Variants in UNC13B observed in about 807,000 individuals in gnomAD.
UNC13B encodes unc-13 homolog B.
UNC13B carries 144 observed loss-of-function variants against 211.0 expected under a neutral mutation model. The ratio of observed to expected loss-of-function variants is 0.68; its 90% CI spans 0.60 to 0.78. The LOEUF (loss-of-function observed/expected upper bound fraction) is 0.78. UNC13B is among the 30% of genes least tolerant of loss of function. The pLI is 0.00. For synonymous variants in UNC13B, 709 were observed against 725.8 expected, an observed-to-expected ratio of 0.98 and a Z score of 0.37; for missense variants, 1,777 against 2,002.0, an observed-to-expected ratio of 0.89 and a Z score of 2.14.
At chr9:35,226,473 C>T (rs1049893631) in intron 1 of UNC13B, among the ~76,000 whole-genome samples, 13 of 152,234 alleles carry the variant, frequency 8.5e-5, no homozygotes, top group Admixed American at 4.6e-4. Context: ...AAGGTGAAGT[C>T]CCACACTAGG....
At chr9:35,388,133 C>T (rs577467452) in intron 24 of UNC13B, among the ~76,000 whole-genome samples, 2 of 151,986 alleles carry the variant, frequency 1.3e-5, no homozygotes, top group African/African-American at 2.4e-5. Flanking sequence ...GCAGGCCGGG[C>T]GCAATGGCTC....
intron 1 of UNC13B, among the ~76,000 whole-genome samples, chr9:35,163,855 G>T (rs1441436769): frequency 6.6e-6 from 1 of 151,910 alleles, no homozygotes; most frequent in Non-Finnish European, 1.5e-5. Context: ...TTTTGAATCT[G>T]GAGAAACGAG....
chr9:35,162,506 T>TAGC (rs1451255943), intron 1 of UNC13B, among the ~76,000 whole-genome samples: 1 of 152,234 alleles, frequency 6.6e-6, no homozygotes, highest in African/African-American at 2.4e-5. Flanking sequence ...AAGGGACGAT[T>TAGC]AGCTCTCCAT....
intron 8 of UNC13B, among the ~76,000 whole-genome samples, chr9:35,297,379 C>T (rs1036364472): frequency 6.6e-6 from 1 of 151,948 alleles, no homozygotes; most frequent in Non-Finnish European, 1.5e-5. Context: ...GCCACCGTGC[C>T]TGGCCTAAGA....
rs2083242045 is a variant in UNC13B at position 35,303,557 on chromosome 9, C to G, written c.4153C>G (p.Leu1385Val). The change falls in exon 9 of 40, where the codon CTA becomes GTA. Residue 1385 changes from leucine (L) to valine (V), a missense_variant. By Grantham distance (32) the Leu-to-Val change is conservative. Coordinates refer to ENST00000635942, the MANE Select transcript of UNC13B (RefSeq NM_001371189.2). ...TTATATGTTAAATCAAAATAGATTT[C>G]TATCAGCCGATGCTTGCTTGTGGCT... is the stretch of plus-strand genomic sequence containing the variant. ...VYYMLNQNRF[L>V]SADACLWLDS... 1 of 398,736 alleles carries G rather than the reference C, an allele frequency of 2.5e-6. No homozygotes were observed. The highest frequency in any genetic ancestry group is 4.4e-6 in the Non-Finnish European group (1 of 225,844). 24.7% of individuals were successfully genotyped at this position (398,736 alleles called of 1,614,324 possible).
intron 1 of UNC13B, among the ~76,000 whole-genome samples, chr9:35,220,682 T>G (rs1360047655): frequency 6.6e-6 from 1 of 152,200 alleles, no homozygotes; most frequent in East Asian, 1.9e-4. Flanking sequence ...GATGAACACT[T>G]AAGTTGCTTC....
intron 7 of UNC13B, among the ~76,000 whole-genome samples, chr9:35,293,808 T>C (rs1829214040): frequency 6.6e-6 from 1 of 152,246 alleles, no homozygotes; most frequent in Non-Finnish European, 1.5e-5. Context: ...GTCAGTGGAC[T>C]ACTTGCTCCA....
intron 11 of UNC13B, among the ~76,000 whole-genome samples, chr9:35,339,016 C>T (rs540351704): frequency 2.0e-5 from 3 of 152,280 alleles, no homozygotes; most frequent in African/African-American, 7.2e-5. Context: ...CCCACCCATT[C>T]GGCTCCCCTT....
intron 1 of UNC13B, among the ~76,000 whole-genome samples, chr9:35,178,382 T>C (rs1288800284): frequency 6.6e-6 from 1 of 151,800 alleles, no homozygotes; most frequent in East Asian, 1.9e-4. Flanking sequence ...CTGTAGTCCC[T>C]AATACTTGGG....
chr9:35,401,834 C>T (rs1405622992), intron 37 of UNC13B: 1 of 938,446 alleles, frequency 1.1e-6, no homozygotes, highest in Non-Finnish European at 1.6e-6. Flanking sequence ...CCTCTGTGCT[C>T]CCTCAGAATA....
intron 7 of UNC13B, among the ~76,000 whole-genome samples, chr9:35,288,158 C>T (rs1483449429): frequency 6.6e-6 from 1 of 152,116 alleles, no homozygotes; most frequent in East Asian, 1.9e-4. Context: ...CACCATTCTC[C>T]TTACGAGCCT....
intron 11 of UNC13B, among the ~76,000 whole-genome samples, chr9:35,365,552 G>T (rs1475677587): frequency 6.6e-6 from 1 of 151,346 alleles, no homozygotes; most frequent in African/African-American, 2.5e-5. Context: ...AGTTCTGGTT[G>T]GTAAGATCTG....
chr9:35,251,853 A>G (rs1287013604), intron 6 of UNC13B, among the ~76,000 whole-genome samples: 4 of 151,816 alleles, frequency 2.6e-5, no homozygotes, highest in Admixed American at 2.0e-4. Flanking sequence ...ATTTTACTTT[A>G]TTTTATTTTT....
chr9:35,320,185 T>C (rs573377778), intron 11 of UNC13B, among the ~76,000 whole-genome samples: 4 of 152,340 alleles, frequency 2.6e-5, no homozygotes, highest in East Asian at 1.9e-4. Flanking sequence ...TTGTGAATAA[T>C]GCTGCGATGA....
chr9:35,184,701 G>GAAGA (rs57262291), intron 1 of UNC13B, among the ~76,000 whole-genome samples: 18,811 of 142,454 alleles, frequency 0.13, 1,549 homozygotes, highest in Admixed American at 0.23. Flanking sequence ...GAGGGAGACT[G>GAAGA]AAGAAAGAAA....
In UNC13B at chr9:35,377,532, G is replaced by A. The variant is rs1191922774; in HGVS notation, c.9900G>A (p.Met3300Ile). The stretch of plus-strand genomic sequence containing the variant: ...GGACCCAGAACATTATCATGGCCAT[G>A]AAGGACCGCATGAAGATCCGAGAGC... ...EDRTQNIIMAMKDRMKIRERN... is the reference protein window; with the variant it reads ...EDRTQNIIMAIKDRMKIRERN... Residue 3300 changes from methionine to isoleucine, a missense_variant, in exon 16 of 40, where the codon ATG (methionine) becomes ATA (isoleucine). Transcript: ENST00000635942. The A allele has an allele frequency of 6.2e-7, 1 of 1,614,244 alleles. No individual in the cohort carries two copies. The highest frequency in any genetic ancestry group is 8.5e-7 in the Non-Finnish European group (1 of 1,180,038).
chr9:35,250,519 T>G (rs1026979157), intron 6 of UNC13B, among the ~76,000 whole-genome samples: 4 of 152,254 alleles, frequency 2.6e-5, no homozygotes, highest in Non-Finnish European at 5.9e-5. Flanking sequence ...CCAAATAACA[T>G]TCCATTGTAT....
rs1000557965 is a variant in UNC13B, at chr9:35,342,024, G to A, written c.9415-24923G>A. ...GGTGTGGACCAGGTTAGATTTCTAC[G>A]TTTGCAGCCAGTGAGACTCCTGCCA... On this transcript the variant is annotated intron_variant, in intron 11 of 39. Coordinates refer to ENST00000635942, the MANE Select transcript of UNC13B (RefSeq NM_001371189.2). 149 of 985,452 alleles carry A rather than the reference G, an allele frequency of 1.5e-4. No individual in the cohort carries two copies. In the East Asian group the frequency reaches 3.1e-3, roughly 20 times the overall value. 61.0% of individuals were successfully genotyped at this position (985,452 alleles called of 1,614,324 possible).
Position 35,403,861 on chromosome 9 carries a change from A to C in UNC13B, c.12851A>C (p.Asp4284Ala). The change falls in exon 40 of 40, where the codon GAT becomes GCT. Residue 4284 changes from aspartate (D) to alanine (A), a missense_variant. Coordinates refer to ENST00000635942, the MANE Select transcript of UNC13B (RefSeq NM_001371189.2). ...GGGCTGGCTGTGATGCCTCTGAGGG[A>C]TGTCACAGCCAAGGGCAGCTGTGCC... ...VLGLAVMPLRDVTAKGSCACW... is the reference protein window; with the variant it reads ...VLGLAVMPLRAVTAKGSCACW... The C allele has an allele frequency of 6.2e-7, 1 of 1,614,088 alleles. No homozygotes were observed. The highest frequency in any genetic ancestry group is 1.1e-5 in the South Asian group (1 of 91,076).
Sources: gnomAD v4.1 joint callset for allele counts (sites outside exome capture counted in the v4.1 genomes callset) on GRCh38, gnomAD v4.1.1 for gene constraint, MANE v1.5 for transcripts, NCBI Gene and HGNC (gene_info 2026-07-23, HGNC 2026-07-21) for gene names.